SYT2: variants seen among roughly 807,000 people sequenced by gnomAD.
SYT2 encodes synaptotagmin-2.
SYT2 carries 15 observed loss-of-function variants against 39.9 expected under a neutral mutation model. That is an observed-to-expected ratio of 0.38 (90% confidence interval 0.25 to 0.58). The LOEUF is 0.58. Among genes scored for constraint, SYT2 ranks in the 20% least tolerant of loss-of-function variants. The pLI, the probability that SYT2 is intolerant of heterozygous loss-of-function variation, is 0.70. For synonymous variants in SYT2, 181 were observed against 204.5 expected (o/e 0.89, Z 0.98); for missense variants, 389 against 530.3 (o/e 0.73, Z 2.62).
intron 1 of SYT2, among the ~76,000 whole-genome samples, chr1:202,645,849 A>G (rs185486748): frequency 4.5e-4 from 68 of 152,278 alleles, no homozygotes; most frequent in African/African-American, 1.6e-3. Context: ...TGGAGAAAAC[A>G]CAGCTGTGCT....
Position 202,596,863 on chromosome 1 carries a change from A to C in SYT2, c.1154T>G (p.Leu385Arg). 6.2e-7 allele frequency: 1 copy of C among 1,614,224 alleles called. No individual in the cohort carries two copies. Among genetic ancestry groups the C allele is most frequent in the East Asian group, 2.2e-5 (1 of 44,882 alleles). ...GGCCAGCATGTCGGACCAGTGCCGC[A>C]GCTCTGTGCCCGTGGCATTGCTGCC... The part of the protein sequence containing the change: ...FVGSNATGTE[L>R]RHWSDMLANP... The change falls in exon 9 of 9, where the codon CTG becomes CGG. Residue 385 changes from leucine to arginine, a missense_variant. Physicochemically the swap from Leu to Arg is moderately radical, Grantham distance 102. Around this residue, in one of 4 missense-constraint regions of SYT2, gnomAD observed 84 missense variants for 123.1 expected, o/e 0.68. Transcript: ENST00000367268.
intron 1 of SYT2, among the ~76,000 whole-genome samples, chr1:202,679,641 CT>C (rs1653476034): frequency 6.6e-6 from 1 of 152,154 alleles, no homozygotes; most frequent in East Asian, 1.9e-4. Context: ...TACCTCCTAA[CT>C]ACTTTCCCTG....
intron 1 of SYT2, among the ~76,000 whole-genome samples, chr1:202,629,879 G>GCA (rs1364811014): frequency 1.0e-5 from 1 of 97,362 alleles, no homozygotes; most frequent in African/African-American, 5.1e-5. Context: ...GGGGGGGGGG[G>GCA]GTGGTACGGC....
At position 202,599,137 on chromosome 1, in the gene SYT2, G is replaced by A. The variant is rs200327481; in HGVS notation, c.1053+81C>T. 9.0e-5 allele frequency: 142 copies of A among 1,569,556 alleles called. No homozygotes were observed. In the African/African-American group the frequency reaches 1.1e-3, roughly 12 times the overall value. On this transcript the variant is annotated intron_variant, in intron 8 of 8. Transcript: ENST00000367268. This position sits in a 1 kb window ranked among gnomAD's most constrained non-coding sequence, Gnocchi z 4.4. ...AAAGGCTGTTCCATGGTCTCTAGGT[G>A]AGTTCCCTCTCTTCAACCTCCCCAT...
chr1:202,619,310 G>C (rs944141969), intron 1 of SYT2, among the ~76,000 whole-genome samples: 1 of 152,168 alleles, frequency 6.6e-6, no homozygotes, highest in African/African-American at 2.4e-5. Context: ...AGAATCACCC[G>C]AGCAGGAAAG....
intron 1 of SYT2, among the ~76,000 whole-genome samples, chr1:202,647,234 G>A (rs1036388215): frequency 2.6e-5 from 4 of 152,172 alleles, no homozygotes; most frequent in African/African-American, 4.8e-5. Flanking sequence ...CTACAGAAAC[G>A]CTGGAGCTGT....
chr1:202,598,046 C>T (rs1465056854), intron 8 of SYT2, among the ~76,000 whole-genome samples: 1 of 152,224 alleles, frequency 6.6e-6, no homozygotes. Flanking sequence ...AGACTGTTTA[C>T]TGGTGCCCTC....
intron 1 of SYT2, among the ~76,000 whole-genome samples, chr1:202,650,325 C>T (rs1692166825): frequency 6.6e-6 from 1 of 152,172 alleles, no homozygotes; most frequent in South Asian, 2.1e-4. Flanking sequence ...CGCAGTGACA[C>T]TTCCATTGCC....
At position 202,596,294 on chromosome 1, in the gene SYT2, CACACACACACACAT is replaced by C. The variant is rs149900121; in HGVS notation, c.*449_*462del. On this transcript the variant is annotated 3_prime_UTR_variant, in exon 9 of 9. Transcript: ENST00000367268. ...ACACACACACACACACACACACACACACACACACACACATACACACACACACACACACACACACA... is the reference window on the plus strand; with the variant it reads ...ACACACACACACACACACACACACACACACACACACACACACACACACACA... The C allele has an allele frequency of 0.13, 11,347 of 85,420 alleles. 880 individuals carry two copies. Among genetic ancestry groups the C allele is most frequent in the South Asian group, 0.16 (433 of 2,754 alleles). 5.3% of individuals were successfully genotyped at this position (85,420 alleles called of 1,614,324 possible).
At chr1:202,685,314 CTGCTA>C (rs1653634829) in intron 1 of SYT2, among the ~76,000 whole-genome samples, 1 of 151,974 alleles carries the variant, frequency 6.6e-6, no homozygotes, top group Non-Finnish European at 1.5e-5. Flanking sequence ...CCACCACCAC[CTGCTA>C]TTCCAGGCCC....
chr1:202,625,869 C>G (rs1270365515), intron 1 of SYT2, among the ~76,000 whole-genome samples: 1 of 152,204 alleles, frequency 6.6e-6, no homozygotes, highest in Non-Finnish European at 1.5e-5. Context: ...GTCTCCATCT[C>G]TCAGGCCCAG....
intron 1 of SYT2, among the ~76,000 whole-genome samples, chr1:202,640,681 A>T (rs1691880265): frequency 6.6e-6 from 1 of 150,656 alleles, no homozygotes; most frequent in Non-Finnish European, 1.5e-5. Context: ...TTGGAAAGTC[A>T]GGCAGTCTCT....
chr1:202,648,749 T>A (rs1432856576), intron 1 of SYT2, among the ~76,000 whole-genome samples: 2 of 152,116 alleles, frequency 1.3e-5, no homozygotes, highest in African/African-American at 4.8e-5. Context: ...GCTCCAGACA[T>A]ATAGAGAGGT....
At chr1:202,664,314 T>G (rs544719195) in intron 1 of SYT2, among the ~76,000 whole-genome samples, 38 of 152,204 alleles carry the variant, frequency 2.5e-4, no homozygotes, top group Non-Finnish European at 4.6e-4. Flanking sequence ...GTTTCCTGCA[T>G]GCACACAACA....
chr1:202,648,190 C>T (rs10920437), intron 1 of SYT2, among the ~76,000 whole-genome samples: 30,346 of 152,138 alleles, frequency 0.2, 3,345 homozygotes, highest in East Asian at 0.33. Context: ...TTTTGTTTGT[C>T]TGCTTATTTG....
At chr1:202,631,985 C>T (rs1430578806) in intron 1 of SYT2, 62 of 975,716 alleles carry the variant, frequency 6.4e-5, no homozygotes, top group Non-Finnish European at 7.5e-5. Flanking sequence ...GGCAGTTTGT[C>T]CTCAAGGAGA....
At position 202,601,995 on chromosome 1, in the gene SYT2, G is replaced by A; in HGVS notation, c.696C>T (p.Phe232=). Residue 232 remains phenylalanine (F), a synonymous_variant, in exon 6 of 9, where the codon TTC becomes TTT. Coordinates refer to ENST00000367268, the MANE Select transcript of SYT2 (RefSeq NM_177402.5). This position sits in a 1 kb window ranked among gnomAD's most constrained non-coding sequence, Gnocchi z 4.0. The part of the protein sequence containing the change: ...LVMAIYDFDR[F]SKHDIIGEVK... The stretch of plus-strand genomic sequence containing the variant: ...CCTCTCCAATGATGTCATGTTTGGA[G>A]AAGCGGTCAAAGTCATAGATGGCCA... The A allele has an allele frequency of 6.2e-7, 1 of 1,614,224 alleles. No individual in the cohort carries two copies. The highest frequency in any genetic ancestry group is 1.1e-5 in the South Asian group (1 of 91,082).
intron 1 of SYT2, among the ~76,000 whole-genome samples, chr1:202,674,316 G>C (rs1299024938): frequency 6.6e-6 from 1 of 152,100 alleles, no homozygotes; most frequent in African/African-American, 2.4e-5. Context: ...TGGCCAGGCT[G>C]GTCTCGAACT....
At chr1:202,602,110 G>T in intron 5 of SYT2, 53 bp from the exon 6 acceptor site, 1 of 1,598,226 alleles carries the variant, frequency 6.3e-7, no homozygotes, top group Non-Finnish European at 8.5e-7. Context: ...CGCACCTCCA[G>T]GGGTGCTATG....
Sources: gnomAD v4.1 joint callset for allele counts (sites outside exome capture counted in the v4.1 genomes callset) on GRCh38, gnomAD v4.1.1 for gene constraint, gnomAD v4.1.1 regional missense constraint, Gnocchi (gnomAD v3.1) non-coding constraint, MANE v1.5 for transcripts, NCBI Gene and HGNC (gene_info 2026-07-23, HGNC 2026-07-21) for gene names.